NCAM1: variants seen among roughly 807,000 people sequenced by gnomAD.
The protein encoded by NCAM1 is neural cell adhesion molecule 1.
In NCAM1, 14 loss-of-function variants were observed where a neutral mutation model predicts 109.8. That is an observed-to-expected ratio of 0.13 (90% CI 0.08 to 0.20). The LOEUF (loss-of-function observed/expected upper bound fraction) is 0.20, where lower values mean the gene tolerates loss of function less well. Among genes scored for constraint, NCAM1 ranks in the 10% least tolerant of loss-of-function variants. The pLI is 1.00. For missense variants in NCAM1, 774 were observed against 1,109.9 expected (o/e 0.70, Z 4.30); for synonymous variants, 418 against 442.9 (o/e 0.94, Z 0.70).
At chr11:113,154,404 T>C (rs1555103105) in intron 1 of NCAM1, among the ~76,000 whole-genome samples, 1 of 151,940 alleles carries the variant, frequency 6.6e-6, no homozygotes, top group Non-Finnish European at 1.5e-5. Context: ...GTGGAGAGGA[T>C]GAAGTTAGAA....
intron 1 of NCAM1, among the ~76,000 whole-genome samples, chr11:113,022,034 T>C (rs1555076349): frequency 6.6e-6 from 1 of 152,178 alleles, no homozygotes; most frequent in Non-Finnish European, 1.5e-5. Flanking sequence ...TCAAAGCCAA[T>C]GAAACTAACA....
intron 1 of NCAM1, among the ~76,000 whole-genome samples, chr11:113,006,311 T>A (rs889090237): frequency 1.3e-5 from 2 of 152,254 alleles, no homozygotes; most frequent in African/African-American, 4.8e-5. Context: ...TTCATTGTGG[T>A]AAGGGGAATC....
At position 113,195,044 on chromosome 11, in the gene NCAM1, C is replaced by T. The variant is rs555005798; in HGVS notation, c.53-7335C>T. ...GAGCCAGCTTTAAGCCATGAGGATA[C>T]TTCCAGTGGCAATTAATGTATGGCC... On this transcript the variant is annotated intron_variant, in intron 1 of 19. Transcript: ENST00000316851. Among the ~76,000 whole-genome samples, 278 of 152,334 alleles carry T rather than the reference C, an allele frequency of 1.8e-3. 2 individuals carry two copies. The highest frequency in any genetic ancestry group is 6.2e-3 in the African/African-American group (258 of 41,582).
intron 1 of NCAM1, chr11:113,133,360 C>G (rs1941479792): frequency 6.6e-6 from 1 of 152,204 alleles, no homozygotes; most frequent in Non-Finnish European, 1.5e-5. Flanking sequence ...GTTTCCTCTT[C>G]TTTTTTGCTT....
At chr11:113,056,024 T>TA (rs1299962712) in intron 1 of NCAM1, among the ~76,000 whole-genome samples, 1 of 108,140 alleles carries the variant, frequency 9.2e-6, no homozygotes, top group African/African-American at 3.6e-5. Flanking sequence ...TATATATATA[T>TA]AAAATATATA....
Position 113,099,871 on chromosome 11 carries a change from C to T in NCAM1, c.53-102508C>T, listed in dbSNP as rs560548333. On this transcript the variant is annotated intron_variant, in intron 1 of 19. Coordinates refer to ENST00000316851, the MANE Select transcript of NCAM1 (RefSeq NM_181351.5). Reference sequence around the variant, plus strand: ...GCCCAGCTAATTTTTGTATTTTTAGCAGAGACGGGGTTTCACCATATTGGC... The same window carrying T: ...GCCCAGCTAATTTTTGTATTTTTAGTAGAGACGGGGTTTCACCATATTGGC... Among the ~76,000 whole-genome samples the T allele has an allele frequency of 2.4e-4, 37 of 152,096 alleles. 2 individuals are homozygous for T. In the South Asian group the frequency reaches 7.7e-3, roughly 32 times the overall value.
At chr11:113,264,988 C>T (rs1269232956) in intron 17 of NCAM1, 9 of 985,362 alleles carry the variant, frequency 9.1e-6, no homozygotes, top group Non-Finnish European at 1.1e-5. Context: ...CCTTGCTCAG[C>T]CACACCCCAC....
chr11:113,195,613 C>T (rs1046258386), intron 1 of NCAM1, among the ~76,000 whole-genome samples: 1 of 150,978 alleles, frequency 6.6e-6, no homozygotes. Context: ...CGCCATTCTC[C>T]TGCCTCAGCC....
rs537275058 is a variant in NCAM1, at chr11:112,962,429, C to G, written c.52+765C>G. 6.6e-6 allele frequency among the ~76,000 whole-genome samples: 1 copy of G among 151,942 alleles called. No individual in the cohort carries two copies. The highest frequency in any genetic ancestry group is 2.4e-5 in the African/African-American group (1 of 41,378). On this transcript the variant is annotated intron_variant, in intron 1 of 19. Transcript: ENST00000316851. The surrounding 1 kb of genome is among the most constrained non-coding windows in gnomAD (Gnocchi z 5.6). The stretch of plus-strand genomic sequence containing the variant: ...GAGGGCGAGGAGGGCGTGATTGGGG[C>G]TGCCTGGTGTGTGCGCGCGCGTGTG...
chr11:113,081,550 C>CTTTTTTTCT (rs1938819731), intron 1 of NCAM1, among the ~76,000 whole-genome samples: 1 of 150,952 alleles, frequency 6.6e-6, no homozygotes, highest in Non-Finnish European at 1.5e-5. Context: ...TTCTTTTTTT[C>CTTTTTTTCT]TTTTTTTTTG....
At chr11:113,010,920 A>C (rs938533559) in intron 1 of NCAM1, among the ~76,000 whole-genome samples, 2 of 152,140 alleles carry the variant, frequency 1.3e-5, no homozygotes, top group African/African-American at 2.4e-5. Flanking sequence ...TGAAGGATTC[A>C]TCATTGGGGG....
intron 14 of NCAM1, chr11:113,236,273 G>C: frequency 6.2e-7 from 1 of 1,600,952 alleles, no homozygotes; most frequent in Non-Finnish European, 8.5e-7. Flanking sequence ...TTTTCTTTTC[G>C]TCTGTGTTCC....
At chr11:113,006,481 A>T (rs1269180770) in intron 1 of NCAM1, among the ~76,000 whole-genome samples, 1 of 152,216 alleles carries the variant, frequency 6.6e-6, no homozygotes, top group East Asian at 1.9e-4. Context: ...TACAATTGGT[A>T]TTCACAGTTG....
chr11:112,998,964 T>G (rs1246184122), intron 1 of NCAM1, among the ~76,000 whole-genome samples: 1 of 152,174 alleles, frequency 6.6e-6, no homozygotes, highest in Non-Finnish European at 1.5e-5. Flanking sequence ...TCATTCTTGA[T>G]GGACTGAGCC....
chr11:113,028,210 A>G (rs1952612407), intron 1 of NCAM1, among the ~76,000 whole-genome samples: 1 of 152,226 alleles, frequency 6.6e-6, no homozygotes, highest in Non-Finnish European at 1.5e-5. Flanking sequence ...AAAAAAATAA[A>G]GGTTTGAGGT....
rs546958985 is a variant in NCAM1 at position 113,111,584 on chromosome 11, G to A, written c.53-90795G>A. ...GGAAGCGTTCTGTATCTTGATTGTC[G>A]TGTGGTTATATGACTGTATACATTT... is the stretch of plus-strand genomic sequence containing the variant. On this transcript the variant is annotated intron_variant, in intron 1 of 19. Transcript: ENST00000316851. Among the ~76,000 whole-genome samples, 30 of 152,298 alleles carry A rather than the reference G, an allele frequency of 2.0e-4. No individual in the cohort carries two copies. In the South Asian group the frequency reaches 2.3e-3, roughly 12 times the overall value.
At chr11:113,248,844 G>C (rs1011680568) in intron 15 of NCAM1, among the ~76,000 whole-genome samples, 2 of 152,186 alleles carry the variant, frequency 1.3e-5, no homozygotes, top group Non-Finnish European at 2.9e-5. Context: ...GGCCTGTAGA[G>C]GATTGTGACA....
intron 1 of NCAM1, among the ~76,000 whole-genome samples, chr11:112,966,442 T>A (rs542459315): frequency 3.3e-5 from 5 of 152,360 alleles, no homozygotes; most frequent in Non-Finnish European, 7.3e-5. Context: ...TAGGTTTCTA[T>A]GAGCTCCAGA....
Position 113,255,912 on chromosome 11 carries a change from G to A in NCAM1, c.1864G>A (p.Gly622Arg), listed in dbSNP as rs1945820398. Reference protein sequence around the residue: ...PSAPKLEGQMGEDGNSIKVNL... With the variant: ...PSAPKLEGQMREDGNSIKVNL... ...TGCACCTAAGCTCGAAGGGCAGATG[G>A]GAGAGGATGGAAACTCTATTAAAGT... is the stretch of plus-strand genomic sequence containing the variant. Residue 622 changes from glycine to arginine, a missense_variant, in exon 16 of 20, where the codon GGA (glycine) becomes AGA (arginine). Gly to Arg is a moderately radical substitution (Grantham distance 125). Coordinates refer to ENST00000316851, the MANE Select transcript of NCAM1 (RefSeq NM_181351.5). 1 of 1,612,012 alleles carries A rather than the reference G, an allele frequency of 6.2e-7. No individual in the cohort carries two copies.
Sources: allele counts gnomAD v4.1 joint callset (sites outside exome capture counted in the v4.1 genomes callset), GRCh38; gene constraint gnomAD v4.1.1; non-coding constraint Gnocchi (gnomAD v3.1); transcripts MANE v1.5; gene names NCBI Gene and HGNC (gene_info 2026-07-23, HGNC 2026-07-21).